Variants in CACHD1 observed in about 807,000 individuals in gnomAD.
CACHD1 encodes the protein cache domain containing 1.
A neutral mutation model predicts 138.7 loss-of-function variants in CACHD1; 71 were observed. That is an observed-to-expected ratio of 0.51 (90% CI 0.42 to 0.62). The LOEUF (loss-of-function observed/expected upper bound fraction) is 0.62. Ranked by LOEUF, CACHD1 falls within the 20% of genes least tolerant of loss-of-function variation. CACHD1 has a pLI of 0.00. For synonymous variants in CACHD1, 578 were observed against 591.5 expected (o/e 0.98, Z 0.33); for missense variants, 1,389 against 1,625.3 (o/e 0.85, Z 2.50).
At chr1:64,622,581 G>A (rs566841370) in intron 4 of CACHD1, among the ~76,000 whole-genome samples, 1 of 152,234 alleles carries the variant, frequency 6.6e-6, no homozygotes, top group South Asian at 2.1e-4. Context: ...TGCCTCTCAA[G>A]AATACTCAGT....
chr1:64,546,947 C>T (rs1399872315), intron 1 of CACHD1, among the ~76,000 whole-genome samples: 6 of 151,710 alleles, frequency 4.0e-5, no homozygotes, highest in African/African-American at 1.5e-4. Flanking sequence ...ATTTTTTTTC[C>T]TACATGCAAG....
In CACHD1 at chr1:64,678,145, T is replaced by A. The variant is rs746466374; in HGVS notation, c.3093-14T>A. On this transcript the variant is annotated splice_polypyrimidine_tract_variant and intron_variant, in intron 22 of 26. Coordinates refer to ENST00000651257, the MANE Select transcript of CACHD1 (RefSeq NM_020925.4). ...CACTGCTTTATAGAAGACTAAGTAT[T>A]GTTTTTCTGGCAGGGACTGTTTTGG... 9 of 1,608,370 alleles carry A rather than the reference T, an allele frequency of 5.6e-6. No individual in the cohort carries two copies. The African/African-American group carries it at 8.0e-5, about 14-fold the overall frequency.
At chr1:64,505,482 G>A (rs1014766686) in intron 1 of CACHD1, among the ~76,000 whole-genome samples, 6 of 152,068 alleles carry the variant, frequency 3.9e-5, no homozygotes, top group Non-Finnish European at 5.9e-5. Flanking sequence ...CTCAGCTCAG[G>A]AGCCTGATTA....
At chr1:64,508,192 A>T (rs11802281) in intron 1 of CACHD1, among the ~76,000 whole-genome samples, 9,198 of 152,140 alleles carry the variant, frequency 0.06, 585 homozygotes, top group African/African-American at 0.16. Flanking sequence ...GCAAGGGGGA[A>T]ATCCACCCAC....
At chr1:64,486,369 T>TATAC (rs147121805) in intron 1 of CACHD1, among the ~76,000 whole-genome samples, 3 of 145,028 alleles carry the variant, frequency 2.1e-5, no homozygotes, top group Non-Finnish European at 4.5e-5. Context: ...CACACACACA[T>TATAC]ACACACACAC....
intron 6 of CACHD1, 38 bp downstream of exon 6, chr1:64,632,781 C>A: frequency 6.2e-7 from 1 of 1,610,492 alleles, no homozygotes; most frequent in Non-Finnish European, 8.5e-7. Context: ...GCATCAGGTT[C>A]TCCTTGAATG....
chr1:64,555,777 A>G (rs1646792569), intron 2 of CACHD1, among the ~76,000 whole-genome samples: 1 of 152,222 alleles, frequency 6.6e-6, no homozygotes, highest in African/African-American at 2.4e-5. Context: ...TGAAGTAGGT[A>G]TCCAATTTCC....
intron 1 of CACHD1, among the ~76,000 whole-genome samples, chr1:64,529,512 T>A (rs1646565335): frequency 6.6e-6 from 1 of 152,342 alleles, no homozygotes; most frequent in African/African-American, 2.4e-5. Flanking sequence ...CTTCTTCTAG[T>A]CTTCCAGTTC....
chr1:64,486,160 CTT>C (rs1326489307), intron 1 of CACHD1, among the ~76,000 whole-genome samples: 3 of 151,946 alleles, frequency 2.0e-5, no homozygotes, highest in African/African-American at 7.3e-5. Context: ...ATTAGTATAT[CTT>C]TTTTGGTGAA....
At chr1:64,507,248 T>C (rs753086771) in intron 1 of CACHD1, among the ~76,000 whole-genome samples, 1 of 152,346 alleles carries the variant, frequency 6.6e-6, no homozygotes, top group Non-Finnish European at 1.5e-5. Flanking sequence ...TACCCTACTT[T>C]CGTGCCTCTG....
chr1:64,596,787 C>T (rs1647156511), intron 3 of CACHD1, among the ~76,000 whole-genome samples: 1 of 152,190 alleles, frequency 6.6e-6, no homozygotes. Flanking sequence ...ATATTCCCTA[C>T]CCTATTAGCT....
At chr1:64,686,231 G>C (rs1464425942) in intron 26 of CACHD1, among the ~76,000 whole-genome samples, 1 of 152,118 alleles carries the variant, frequency 6.6e-6, no homozygotes, top group South Asian at 2.1e-4. Context: ...TTACACAAAA[G>C]GAAACTCAAA....
At chr1:64,606,982 A>G (rs949422298) in intron 4 of CACHD1, among the ~76,000 whole-genome samples, 2 of 152,170 alleles carry the variant, frequency 1.3e-5, no homozygotes, top group Non-Finnish European at 2.9e-5. Context: ...GTTACGTTTG[A>G]GATGCTCATT....
chr1:64,505,725 C>T (rs1402957510), intron 1 of CACHD1, among the ~76,000 whole-genome samples: 3 of 145,086 alleles, frequency 2.1e-5, no homozygotes, highest in Admixed American at 6.8e-5. Flanking sequence ...CGCCCCTCCC[C>T]CTCTTGGCTG....
At chr1:64,572,604 G>A (rs988900547) in intron 2 of CACHD1, among the ~76,000 whole-genome samples, 13 of 152,096 alleles carry the variant, frequency 8.5e-5, no homozygotes, top group African/African-American at 2.9e-4. Flanking sequence ...CATTTTGCAT[G>A]AAGAAAGAAG....
intron 3 of CACHD1, among the ~76,000 whole-genome samples, chr1:64,588,827 A>C (rs1218298310): frequency 6.6e-6 from 1 of 152,186 alleles, no homozygotes; most frequent in African/African-American, 2.4e-5. Flanking sequence ...GGGGAGCATA[A>C]GCTACGGAGG....
At chr1:64,570,885 C>T in intron 2 of CACHD1, among the ~76,000 whole-genome samples, 1 of 151,946 alleles carries the variant, frequency 6.6e-6, no homozygotes, top group Admixed American at 6.6e-5. Flanking sequence ...GGTGAGGGTG[C>T]TGTTACTGTT....
intron 2 of CACHD1, chr1:64,563,757 G>A (rs564813402): frequency 6.6e-6 from 1 of 152,216 alleles, no homozygotes; most frequent in African/African-American, 2.4e-5. Flanking sequence ...GGGTAGTGTG[G>A]GATACAGAAT....
chr1:64,576,696 T>C (rs1284792994), intron 2 of CACHD1, among the ~76,000 whole-genome samples: 1 of 152,170 alleles, frequency 6.6e-6, no homozygotes, highest in Non-Finnish European at 1.5e-5. Flanking sequence ...CACAGTGTTC[T>C]CTTACTATCC....
Sources: allele counts gnomAD v4.1 joint callset (sites outside exome capture counted in the v4.1 genomes callset), GRCh38; gene constraint gnomAD v4.1.1; transcripts MANE v1.5; gene names NCBI Gene and HGNC (gene_info 2026-07-23, HGNC 2026-07-21).